Variants in PLCB4 observed in about 807,000 individuals in gnomAD.
The protein encoded by PLCB4 is phospholipase C beta 4, also known as 1-phosphatidylinositol 4,5-bisphosphate phosphodiesterase beta-4.
In PLCB4, 77 loss-of-function variants were observed where a neutral mutation model predicts 178.8. The observed-to-expected ratio is 0.43, with a 90% CI of 0.36 to 0.52. The LOEUF is 0.52. Ranked by LOEUF, PLCB4 falls within the 20% of genes least tolerant of loss-of-function variation. PLCB4 has a pLI of 0.00. For missense variants in PLCB4, 1,024 were observed against 1,453.4 expected (o/e 0.70, Z 4.80); for synonymous variants, 496 against 490.8 (o/e 1.01, Z -0.14).
At chr20:9,297,276 TG>T (rs2147804075) in intron 3 of PLCB4, among the ~76,000 whole-genome samples, 1 of 152,146 alleles carries the variant, frequency 6.6e-6, no homozygotes, top group South Asian at 2.1e-4. Context: ...ATGATTAATA[TG>T]TGTGTACACG....
intron 2 of PLCB4, among the ~76,000 whole-genome samples, chr20:9,130,421 T>C (rs2092243394): frequency 6.6e-6 from 1 of 152,222 alleles, no homozygotes. Context: ...GATCTTCCTC[T>C]TCTGAATTTA....
intron 28 of PLCB4, among the ~76,000 whole-genome samples, chr20:9,433,755 A>T (rs1430021552): frequency 1.3e-5 from 2 of 152,234 alleles, no homozygotes; most frequent in Non-Finnish European, 2.9e-5. Context: ...CTTGCCAAAA[A>T]TAATTGTCTG....
intron 4 of PLCB4, among the ~76,000 whole-genome samples, chr20:9,334,492 C>G (rs918082476): frequency 6.6e-6 from 1 of 152,112 alleles, no homozygotes; most frequent in Admixed American, 6.6e-5. Context: ...TGTTGACTAT[C>G]CATTTGAGGT....
chr20:9,388,617 C>G (rs2037878208), intron 15 of PLCB4, among the ~76,000 whole-genome samples: 1 of 152,136 alleles, frequency 6.6e-6, no homozygotes, highest in African/African-American at 2.4e-5. Flanking sequence ...GAGGCAGAGT[C>G]AGGAGAATTG....
intron 13 of PLCB4, among the ~76,000 whole-genome samples, chr20:9,381,246 G>T (rs890618169): frequency 6.6e-6 from 1 of 152,230 alleles, no homozygotes; most frequent in South Asian, 2.1e-4. Flanking sequence ...CTAACACTTC[G>T]CATTGGCAGG....
intron 20 of PLCB4, among the ~76,000 whole-genome samples, chr20:9,402,567 A>C (rs546611826): frequency 6.6e-6 from 1 of 152,336 alleles, no homozygotes; most frequent in African/African-American, 2.4e-5. Context: ...TGGTTGCCAT[A>C]TGGAGACTAG....
At chr20:9,103,045 G>C (rs1197497398) in intron 2 of PLCB4, among the ~76,000 whole-genome samples, 5 of 133,940 alleles carry the variant, frequency 3.7e-5, no homozygotes, top group African/African-American at 1.4e-4. Context: ...TTTTTTTTGA[G>C]ACGGAGTCTT....
At chr20:9,423,022 A>G (rs1367454649) in intron 27 of PLCB4, among the ~76,000 whole-genome samples, 1 of 152,204 alleles carries the variant, frequency 6.6e-6, no homozygotes, top group African/African-American at 2.4e-5. Context: ...CCTTTTTGTA[A>G]TGTTGCTATT....
chr20:9,216,717 C>G (rs1178864619), intron 2 of PLCB4, among the ~76,000 whole-genome samples: 9 of 151,920 alleles, frequency 5.9e-5, no homozygotes, highest in South Asian at 2.1e-4. Flanking sequence ...GCCAGGCTGG[C>G]CTTGAACTCC....
chr20:9,093,207 T>G (rs1041391243), intron 1 of PLCB4, among the ~76,000 whole-genome samples: 1 of 152,246 alleles, frequency 6.6e-6, no homozygotes, highest in Non-Finnish European at 1.5e-5. Flanking sequence ...GGTTGCGAGC[T>G]AATGGATGTT....
At chr20:9,191,811 C>T (rs915678795) in intron 2 of PLCB4, among the ~76,000 whole-genome samples, 1 of 151,950 alleles carries the variant, frequency 6.6e-6, no homozygotes, top group Non-Finnish European at 1.5e-5. Context: ...AACCATTTTT[C>T]CATCTCGAAT....
rs573316224 is a variant in PLCB4 at position 9,178,990 on chromosome 20, A to G, written c.-78-38400A>G. ...TGTTTAAATTGTCAACATTTAGAAC[A>G]TTCTAGAAATTATATCTTTAACAAC... On this transcript the variant is annotated intron_variant, in intron 2 of 39. Transcript: ENST00000378473. 2.6e-5 allele frequency among the ~76,000 whole-genome samples: 4 copies of G among 152,334 alleles called. No homozygotes were observed. In the South Asian group the frequency reaches 8.3e-4, roughly 32 times the overall value.
intron 3 of PLCB4, among the ~76,000 whole-genome samples, chr20:9,234,561 G>A (rs917267422): frequency 7.2e-5 from 11 of 152,138 alleles, no homozygotes; most frequent in African/African-American, 2.7e-4. Context: ...ATAAGAGAGA[G>A]TAGTTCATTG....
At chr20:9,294,196 G>A (rs753846447) in intron 3 of PLCB4, among the ~76,000 whole-genome samples, 14 of 152,060 alleles carry the variant, frequency 9.2e-5, no homozygotes, top group Non-Finnish European at 2.9e-5. Flanking sequence ...TAGTTAACAG[G>A]GAGCATAAAG....
chr20:9,424,066 A>G, intron 28 of PLCB4, 114 bp downstream of exon 28: 1 of 701,670 alleles, frequency 1.4e-6, no homozygotes. Flanking sequence ...TATTCCTGCT[A>G]ATGCTGCCAA....
intron 4 of PLCB4, among the ~76,000 whole-genome samples, chr20:9,313,665 G>A (rs751047358): frequency 6.6e-6 from 1 of 152,138 alleles, no homozygotes; most frequent in Non-Finnish European, 1.5e-5. Flanking sequence ...TTAAGCTCCT[G>A]TCTCTATTAG....
intron 26 of PLCB4, 35 bp from the exon 27 acceptor site, chr20:9,421,262 C>T: frequency 1.3e-6 from 2 of 1,565,390 alleles, no homozygotes; most frequent in Non-Finnish European, 1.7e-6. Flanking sequence ...TTACACAGAG[C>T]TTACTTCTCT....
intron 25 of PLCB4, among the ~76,000 whole-genome samples, chr20:9,416,788 T>A: frequency 6.6e-6 from 1 of 152,232 alleles, no homozygotes; most frequent in East Asian, 1.9e-4. Flanking sequence ...ATTTCAACAA[T>A]TGTGTAAATG....
intron 3 of PLCB4, among the ~76,000 whole-genome samples, chr20:9,287,412 T>C (rs2094545157): frequency 6.6e-6 from 1 of 152,052 alleles, no homozygotes; most frequent in Non-Finnish European, 1.5e-5. Context: ...CATGTTTCTG[T>C]CTGATTCTTT....
Sources: allele counts gnomAD v4.1 joint callset (sites outside exome capture counted in the v4.1 genomes callset), GRCh38; gene constraint gnomAD v4.1.1; transcripts MANE v1.5; gene names NCBI Gene and HGNC (gene_info 2026-07-23, HGNC 2026-07-21).